The following FREM2 variants were observed in gnomAD, a reference collection of about 807,000 sequenced individuals.
The protein encoded by FREM2 is FRAS1 related extracellular matrix 2, also known as FRAS1-related extracellular matrix protein 2.
In FREM2, 119 loss-of-function variants were observed where a neutral mutation model predicts 219.9. The observed-to-expected ratio is 0.54, with a 90% CI of 0.47 to 0.63. The LOEUF (loss-of-function observed/expected upper bound fraction) is 0.63, where lower values mean the gene tolerates loss of function less well. Ranked by LOEUF, FREM2 falls within the 30% of genes least tolerant of loss-of-function variation. FREM2 has a pLI of 0.00. For missense variants in FREM2, 4,030 were observed against 3,993.6 expected, an observed-to-expected ratio of 1.01 and a Z score of -0.25; for synonymous variants, 1,562 against 1,522.8, an observed-to-expected ratio of 1.03 and a Z score of -0.60.
intron 6 of FREM2, among the ~76,000 whole-genome samples, chr13:38,786,333 A>C (rs1874328899): frequency 6.6e-6 from 1 of 152,218 alleles, no homozygotes; most frequent in African/African-American, 2.4e-5. Flanking sequence ...AACACGAAAA[A>C]TTAGAAATTA....
At position 38,755,063 on chromosome 13, in the gene FREM2, C is replaced by T. The variant is rs564954960; in HGVS notation, c.5264-9241C>T. Among the ~76,000 whole-genome samples, 28 of 151,920 alleles carry T rather than the reference C, an allele frequency of 1.8e-4. No individual in the cohort carries two copies. The East Asian group carries it at 3.9e-3, about 21-fold the overall frequency. On this transcript the variant is annotated intron_variant, in intron 2 of 23. Coordinates refer to ENST00000280481, the MANE Select transcript of FREM2 (RefSeq NM_207361.6). The stretch of plus-strand genomic sequence containing the variant: ...GATTACAGGCAGGCACCATCACACC[C>T]GGCTAATTTTTGTATTTTTAGTAGA...
Position 38,881,169 on chromosome 13 carries a change from T to C in FREM2, c.*382T>C. 3.4e-6 allele frequency: 1 copy of C among 296,994 alleles called. No individual in the cohort carries two copies. Among genetic ancestry groups the C allele is most frequent in the Non-Finnish European group, 6.5e-6 (1 of 155,024 alleles). The allele number at this position is 296,994 out of a possible 1,614,324, so 18.4% of individuals were successfully genotyped here. A position where few individuals can be genotyped will look rare whatever the true frequency, so the allele number is the denominator to read the frequency against. On this transcript the variant is annotated 3_prime_UTR_variant, in exon 24 of 24. Coordinates refer to ENST00000280481, the MANE Select transcript of FREM2 (RefSeq NM_207361.6). ...GCTATGTTAGTGTGAATGTTGAAGGTGCAATTATCACATTGTTTATTAATT... is the reference window on the plus strand; with the variant it reads ...GCTATGTTAGTGTGAATGTTGAAGGCGCAATTATCACATTGTTTATTAATT...
intron 6 of FREM2, among the ~76,000 whole-genome samples, chr13:38,824,142 G>C (rs1299525506): frequency 3.3e-5 from 5 of 152,072 alleles, no homozygotes; most frequent in African/African-American, 1.2e-4. Context: ...AGTATTGTGG[G>C]AAAGATATGT....
intron 3 of FREM2, among the ~76,000 whole-genome samples, chr13:38,765,153 G>C (rs559273246): frequency 6.6e-6 from 1 of 152,100 alleles, no homozygotes; most frequent in Non-Finnish European, 1.5e-5. Flanking sequence ...CTCGTAATCT[G>C]CCCACCTCGG....
intron 4 of FREM2, among the ~76,000 whole-genome samples, chr13:38,779,060 G>A (rs917692153): frequency 6.6e-6 from 1 of 152,154 alleles, no homozygotes; most frequent in Non-Finnish European, 1.5e-5. Flanking sequence ...AATAATAGGT[G>A]TAATTCTTGC....
intron 2 of FREM2, among the ~76,000 whole-genome samples, chr13:38,753,739 G>A (rs1380042242): frequency 1.3e-5 from 2 of 152,116 alleles, no homozygotes; most frequent in African/African-American, 4.8e-5. Flanking sequence ...TCCTCTGTAG[G>A]TGTACACCTG....
intron 17 of FREM2, 146 bp from the exon 18 acceptor site, chr13:38,874,336 C>T (rs1878269683): frequency 1.5e-6 from 1 of 685,878 alleles, no homozygotes; most frequent in Non-Finnish European, 2.6e-6. Flanking sequence ...ATACTTCTGC[C>T]TCTGTTATTC....
At chr13:38,823,018 A>G (rs1876128699) in intron 6 of FREM2, among the ~76,000 whole-genome samples, 1 of 152,132 alleles carries the variant, frequency 6.6e-6, no homozygotes, top group African/African-American at 2.4e-5. Flanking sequence ...TCTGAAAAGC[A>G]TCAAAACAAA....
At chr13:38,791,056 A>G (rs905111617) in intron 6 of FREM2, among the ~76,000 whole-genome samples, 1 of 152,214 alleles carries the variant, frequency 6.6e-6, no homozygotes, top group African/African-American at 2.4e-5. Context: ...TTGGGCGATG[A>G]CTGAAACAGC....
At position 38,687,832 on chromosome 13, in the gene FREM2, C is replaced by T. The variant is rs1869554471; in HGVS notation, c.488C>T (p.Ala163Val). ...LQLRYDAPGGAVVLPLVLEVE... is the reference protein window; with the variant it reads ...LQLRYDAPGGVVVLPLVLEVE... The stretch of plus-strand genomic sequence containing the variant: ...CTGCGCTATGACGCGCCCGGAGGGG[C>T]AGTAGTGCTACCACTGGTACTGGAG... Residue 163 changes from alanine to valine, a missense_variant, in exon 1 of 24, where the codon GCA (alanine) becomes GTA (valine). By Grantham distance (64) the Ala-to-Val change is moderately conservative. This residue lies in a region of FREM2 where 3,102 missense variants were observed against 2,950.7 expected (regional missense o/e 1.05). Coordinates refer to ENST00000280481, the MANE Select transcript of FREM2 (RefSeq NM_207361.6). The T allele has an allele frequency of 6.4e-7, 1 of 1,552,606 alleles. No homozygotes were observed. Among genetic ancestry groups the T allele is most frequent in the Non-Finnish European group, 8.7e-7 (1 of 1,144,768 alleles).
At chr13:38,740,964 CTGTGTT>C (rs1872218594) in intron 2 of FREM2, among the ~76,000 whole-genome samples, 1 of 152,178 alleles carries the variant, frequency 6.6e-6, no homozygotes, top group Non-Finnish European at 1.5e-5. Context: ...ATGCAACTCT[CTGTGTT>C]TGTGCAGATC....
Position 38,688,633 on chromosome 13 carries a change from T to C in FREM2, c.1289T>C (p.Val430Ala), listed in dbSNP as rs1283677064. 1.9e-6 allele frequency: 3 copies of C among 1,614,156 alleles called. No individual in the cohort carries two copies. The highest frequency in any genetic ancestry group is 2.2e-5 in the East Asian group (1 of 44,870). Residue 430 changes from valine to alanine, a missense_variant, in exon 1 of 24, where the codon GTG (valine) becomes GCG (alanine). Physicochemically the swap from Val to Ala is moderately conservative, Grantham distance 64. This residue lies in a region of FREM2 where 3,102 missense variants were observed against 2,950.7 expected (regional missense o/e 1.05). Coordinates refer to ENST00000280481, the MANE Select transcript of FREM2 (RefSeq NM_207361.6). ...TCAGACCCTTTTGCCTTCATGGTAG[T>C]GGTGAAGCCCATGAACACAATGGCT... Reference protein sequence around the residue: ...AASDPFAFMVVVKPMNTMAPV... With the variant: ...AASDPFAFMVAVKPMNTMAPV...
intron 4 of FREM2, among the ~76,000 whole-genome samples, chr13:38,776,390 CTGTT>C (rs1321228491): frequency 2.0e-5 from 3 of 152,092 alleles, no homozygotes; most frequent in African/African-American, 2.4e-5. Flanking sequence ...TTAGCAGAGT[CTGTT>C]TATTTTTTAT....
intron 2 of FREM2, among the ~76,000 whole-genome samples, chr13:38,708,816 A>G (rs1051282547): frequency 1.3e-5 from 2 of 151,860 alleles, no homozygotes; most frequent in African/African-American, 4.8e-5. Context: ...CTGGAATGCA[A>G]TGGTGCGATC....
At chr13:38,721,970 G>T (rs890831396) in intron 2 of FREM2, among the ~76,000 whole-genome samples, 1 of 152,068 alleles carries the variant, frequency 6.6e-6, no homozygotes. Context: ...GCCCAAGACA[G>T]CCCCAGTAAT....
At chr13:38,693,535 C>A (rs1411742290) in intron 1 of FREM2, among the ~76,000 whole-genome samples, 1 of 152,144 alleles carries the variant, frequency 6.6e-6, no homozygotes, top group African/African-American at 2.4e-5. Flanking sequence ...AGTCAGGGCT[C>A]CGTTCTGCAG....
At chr13:38,855,746 G>A (rs1362564778) in intron 11 of FREM2, among the ~76,000 whole-genome samples, 1 of 152,092 alleles carries the variant, frequency 6.6e-6, no homozygotes, top group Non-Finnish European at 1.5e-5. Context: ...TGGGAGGGAG[G>A]TGAGGGGTGT....
chr13:38,804,408 A>G (rs944293229), intron 6 of FREM2, among the ~76,000 whole-genome samples: 3 of 151,906 alleles, frequency 2.0e-5, no homozygotes, highest in Non-Finnish European at 4.4e-5. Context: ...TGTATAAAAT[A>G]TCTTGCCATT....
intron 15 of FREM2, 141 bp downstream of exon 15, chr13:38,861,703 A>C: frequency 1.1e-6 from 1 of 908,000 alleles, no homozygotes; most frequent in Non-Finnish European, 1.8e-6. Context: ...CACTTCTTTC[A>C]ACTGTTTTAG....
Sources: allele counts gnomAD v4.1 joint callset (sites outside exome capture counted in the v4.1 genomes callset), GRCh38; gene constraint gnomAD v4.1.1; regional missense constraint gnomAD v4.1.1; transcripts MANE v1.5; gene names NCBI Gene and HGNC (gene_info 2026-07-23, HGNC 2026-07-21).